Variants in PCDHGA6 observed in about 807,000 individuals in gnomAD.
The protein encoded by PCDHGA6 is protocadherin gamma subfamily A, 6.
A neutral mutation model predicts 60.6 loss-of-function variants in PCDHGA6; 41 were observed. That is an observed-to-expected ratio of 0.68 (90% CI 0.53 to 0.88). The LOEUF is 0.88. Among genes scored for constraint, PCDHGA6 ranks in the 40% least tolerant of loss-of-function variants. The probability of loss-of-function intolerance (pLI) is 0.00; values close to 1 mark genes in which losing one functional copy is unlikely to be tolerated. For synonymous variants in PCDHGA6, 594 were observed against 524.4 expected, an observed-to-expected ratio of 1.13 and a Z score of -1.81; for missense variants, 1,312 against 1,203.0, an observed-to-expected ratio of 1.09 and a Z score of -1.34.
intron 1 of PCDHGA6, among the ~76,000 whole-genome samples, chr5:141,430,040 T>C (rs1449876504): frequency 1.3e-5 from 2 of 152,232 alleles, no homozygotes; most frequent in African/African-American, 2.4e-5. Flanking sequence ...ATTCTGATAA[T>C]GTATACAATC....
At chr5:141,405,955 CCTG>C (rs1293666113) in intron 1 of PCDHGA6, among the ~76,000 whole-genome samples, 4 of 152,056 alleles carry the variant, frequency 2.6e-5, no homozygotes, top group African/African-American at 9.7e-5. Context: ...TAATAATTAA[CCTG>C]CTGTCAACGT....
intron 1 of PCDHGA6, chr5:141,430,781 C>A: frequency 6.6e-7 from 1 of 1,510,922 alleles, no homozygotes; most frequent in Non-Finnish European, 8.8e-7. Context: ...GCGACTGCAC[C>A]GGGACTACAA....
At chr5:141,502,621 A>G (rs918589202) in intron 2 of PCDHGA6, among the ~76,000 whole-genome samples, 3 of 152,162 alleles carry the variant, frequency 2.0e-5, no homozygotes, top group African/African-American at 7.2e-5. Context: ...AAATATAAGT[A>G]ATCTGTGGAT....
At chr5:141,385,408 A>G in intron 1 of PCDHGA6, 1 of 1,478,414 alleles carries the variant, frequency 6.8e-7, no homozygotes, top group Middle Eastern at 1.8e-4. Flanking sequence ...TGTTTTGAAA[A>G]TAGGGATTTA....
At chr5:141,399,318 G>A (rs772027563) in intron 1 of PCDHGA6, 19 of 1,613,830 alleles carry the variant, frequency 1.2e-5, no homozygotes, top group East Asian at 4.5e-5. Context: ...CCAAAAATTC[G>A]TATAAGTTGG....
At chr5:141,455,289 A>G (rs1592356100) in intron 1 of PCDHGA6, among the ~76,000 whole-genome samples, 2 of 152,192 alleles carry the variant, frequency 1.3e-5, no homozygotes, top group East Asian at 3.9e-4. Context: ...ATCACTTTAC[A>G]TAGTTTCATC....
chr5:141,401,836 A>G (rs1400731084), intron 1 of PCDHGA6, among the ~76,000 whole-genome samples: 3 of 152,204 alleles, frequency 2.0e-5, no homozygotes, highest in Admixed American at 1.3e-4. Flanking sequence ...GATTTCTTAT[A>G]ATACCACTTA....
chr5:141,476,123 C>G lies in PCDHGA6; in HGVS notation c.2425-18684C>G. Reference sequence around the variant, plus strand: ...GGAACTGCTTTTGAGTGAGATGGTCCCAGAGGCCTGGAGGAGCGGACTGGT... The same window carrying G: ...GGAACTGCTTTTGAGTGAGATGGTCGCAGAGGCCTGGAGGAGCGGACTGGT... On this transcript the variant is annotated intron_variant, in intron 1 of 3. Coordinates refer to ENST00000517434, the MANE Select transcript of PCDHGA6 (RefSeq NM_018919.3). This position sits in a 1 kb window ranked among gnomAD's most constrained non-coding sequence, Gnocchi z 7.6. 1 of 1,602,442 alleles carries G rather than the reference C, an allele frequency of 6.2e-7. No individual in the cohort carries two copies. The highest frequency in any genetic ancestry group is 8.5e-7 in the Non-Finnish European group (1 of 1,176,022).
chr5:141,403,196 G>C lies in PCDHGA6; in HGVS notation c.2424+26689G>C, dbSNP rs762413220. 13 of 1,613,868 alleles carry C rather than the reference G, an allele frequency of 8.1e-6. No individual in the cohort carries two copies. The highest frequency in any genetic ancestry group is 1.6e-4 in the Middle Eastern group (1 of 6,078). On this transcript the variant is annotated intron_variant, in intron 1 of 3. Transcript: ENST00000517434. ...GCTTTTCTCTCTGAACCCGCGCAGC[G>C]GCACCTTGGTCACCGCGGGTAGGAT...
Position 141,431,473 on chromosome 5 carries a change from C to A in PCDHGA6, c.2424+54966C>A, listed in dbSNP as rs750300971. 16 of 1,613,714 alleles carry A rather than the reference C, an allele frequency of 9.9e-6. 1 individual carries two copies. The highest frequency in any genetic ancestry group is 9.3e-5 in the African/African-American group (7 of 74,948). On this transcript the variant is annotated intron_variant, in intron 1 of 3. Transcript: ENST00000517434. This position sits in a 1 kb window ranked among gnomAD's most constrained non-coding sequence, Gnocchi z 4.8. Reference sequence around the variant, plus strand: ...TGATGGTTCTGGATGCGAACGACAACGCACCAGCGTTTGCTCAGCCCGAGT... The same window carrying A: ...TGATGGTTCTGGATGCGAACGACAAAGCACCAGCGTTTGCTCAGCCCGAGT...
At chr5:141,474,652 T>C (rs962582027) in intron 1 of PCDHGA6, among the ~76,000 whole-genome samples, 1 of 152,206 alleles carries the variant, frequency 6.6e-6, no homozygotes, top group African/African-American at 2.4e-5. Context: ...TCCTTACTTC[T>C]TTTCTACCTA....
At chr5:141,454,483 C>T (rs1434684795) in intron 1 of PCDHGA6, among the ~76,000 whole-genome samples, 9 of 151,684 alleles carry the variant, frequency 5.9e-5, no homozygotes, top group African/African-American at 9.7e-5. Flanking sequence ...CTCAGCTCAC[C>T]GCAACCTCCA....
At chr5:141,399,987 A>T in intron 1 of PCDHGA6, 1 of 1,612,224 alleles carries the variant, frequency 6.2e-7, no homozygotes, top group Non-Finnish European at 8.5e-7. Flanking sequence ...TGCGCACAGG[A>T]GAGGTGCGCA....
At position 141,488,726 on chromosome 5, in the gene PCDHGA6, G is replaced by A. The variant is rs1562126303; in HGVS notation, c.2425-6081G>A. 2.0e-5 allele frequency among the ~76,000 whole-genome samples: 3 copies of A among 152,194 alleles called. No homozygotes were observed. The South Asian group carries it at 6.2e-4, about 32-fold the overall frequency. ...TGCTGGTTCAAGCAAAGTGGTGGAA[G>A]CTTCTGAAGTCATGCAGGAAGTTGC... On this transcript the variant is annotated intron_variant, in intron 1 of 3. Transcript: ENST00000517434.
chr5:141,389,142 G>T (rs72790030), intron 1 of PCDHGA6: 5 of 1,613,968 alleles, frequency 3.1e-6, no homozygotes, highest in Non-Finnish European at 4.2e-6. Flanking sequence ...CAATATAACC[G>T]TTACGGCAAC....
intron 1 of PCDHGA6, chr5:141,394,727 C>T (rs971156422): frequency 1.2e-6 from 2 of 1,613,318 alleles, no homozygotes; most frequent in African/African-American, 1.3e-5. Context: ...GAGATGCGCT[C>T]AAGCAGAGCC....
chr5:141,503,418 A>G (rs1037754214), intron 2 of PCDHGA6, among the ~76,000 whole-genome samples: 1 of 151,528 alleles, frequency 6.6e-6, no homozygotes, highest in Admixed American at 6.6e-5. Context: ...AATATGGTGA[A>G]ACCCCATCTC....
rs750397953 is a variant in PCDHGA6 at position 141,409,543 on chromosome 5, C to CA, written c.2424+33038dup. 2.4e-5 allele frequency: 38 copies of CA among 1,613,884 alleles called. No individual in the cohort carries two copies. The South Asian group carries it at 4.1e-4, about 17-fold the overall frequency. On this transcript the variant is annotated intron_variant, in intron 1 of 3. Transcript: ENST00000517434. ...CCTTGTATGTCGCTGACATCAACGACAACGCCCCAGTTTTCGACCAGACGT... is the reference window on the plus strand; with the variant it reads ...CCTTGTATGTCGCTGACATCAACGACAAACGCCCCAGTTTTCGACCAGACGT...
chr5:141,409,639 G>A, intron 1 of PCDHGA6: 1 of 1,613,760 alleles, frequency 6.2e-7, no homozygotes, highest in Non-Finnish European at 8.5e-7. Flanking sequence ...CCTCTGACCC[G>A]GATTTGGGGC....
Sources: gnomAD v4.1 joint callset for allele counts (sites outside exome capture counted in the v4.1 genomes callset) on GRCh38, gnomAD v4.1.1 for gene constraint, Gnocchi (gnomAD v3.1) non-coding constraint, MANE v1.5 for transcripts, NCBI Gene and HGNC (gene_info 2026-07-23, HGNC 2026-07-21) for gene names.